The following AJAP1 variants were observed in gnomAD, a reference collection of about 807,000 sequenced individuals.
The protein encoded by AJAP1 is adherens junction-associated protein 1.
Under a neutral mutation model 35.0 loss-of-function variants are expected in AJAP1, and 5 were observed. The observed-to-expected ratio is 0.14, with a 90% CI of 0.07 to 0.30. The LOEUF is 0.30. Ranked by LOEUF, AJAP1 falls within the 10% of genes least tolerant of loss-of-function variation. The pLI, the probability that AJAP1 is intolerant of heterozygous loss-of-function variation, is 1.00. For synonymous variants in AJAP1, 284 were observed against 249.3 expected, an observed-to-expected ratio of 1.14 and a Z score of -1.31; for missense variants, 586 against 571.0, an observed-to-expected ratio of 1.03 and a Z score of -0.27.
chr1:4,768,912 G>A (rs960420926), intron 2 of AJAP1, among the ~76,000 whole-genome samples: 1 of 152,338 alleles, frequency 6.6e-6, no homozygotes, highest in East Asian at 1.9e-4. Context: ...AGCTGTTGCA[G>A]GCCTGCCCTC....
chr1:4,689,246 C>T lies in AJAP1; in HGVS notation c.30-22654C>T, dbSNP rs534497201. On this transcript the variant is annotated intron_variant, in intron 1 of 5. Transcript: ENST00000378191. The stretch of plus-strand genomic sequence containing the variant: ...CAATTACCGATAAATCAGAACGACG[C>T]GCCTGGTATGAATTCAGCTGATTAA... Among the ~76,000 whole-genome samples, 19 of 152,316 alleles carry T rather than the reference C, an allele frequency of 1.2e-4. No individual in the cohort carries two copies. In the East Asian group the frequency reaches 2.5e-3, roughly 20 times the overall value.
At chr1:4,708,053 C>T (rs1246638406) in intron 1 of AJAP1, among the ~76,000 whole-genome samples, 10 of 150,984 alleles carry the variant, frequency 6.6e-5, no homozygotes, top group South Asian at 4.2e-4. Flanking sequence ...CTGCAACCTC[C>T]GCCTCCTGGG....
intron 1 of AJAP1, among the ~76,000 whole-genome samples, chr1:4,671,895 T>C (rs1483439750): frequency 6.6e-6 from 1 of 152,140 alleles, no homozygotes; most frequent in Non-Finnish European, 1.5e-5. Context: ...GCTGTGTAGG[T>C]GTCCCCACTG....
chr1:4,673,831 G>A (rs1639300511), intron 1 of AJAP1, among the ~76,000 whole-genome samples: 1 of 151,946 alleles, frequency 6.6e-6, no homozygotes, highest in Non-Finnish European at 1.5e-5. Flanking sequence ...GGCTTTATAC[G>A]AGTCATGGGC....
chr1:4,658,469 A>T (rs1462922532), intron 1 of AJAP1, among the ~76,000 whole-genome samples: 1 of 152,214 alleles, frequency 6.6e-6, no homozygotes, highest in African/African-American at 2.4e-5. Context: ...ATGAAGTCAA[A>T]CGCGCAGTCC....
At chr1:4,736,900 C>A (rs1474090577) in intron 2 of AJAP1, among the ~76,000 whole-genome samples, 5 of 152,096 alleles carry the variant, frequency 3.3e-5, no homozygotes, top group Non-Finnish European at 7.4e-5. Context: ...ACATGGGTCT[C>A]CAGGGCTGAC....
intron 1 of AJAP1, among the ~76,000 whole-genome samples, chr1:4,666,315 T>C (rs1347814155): frequency 6.6e-6 from 1 of 151,998 alleles, no homozygotes; most frequent in African/African-American, 2.4e-5. Context: ...TCTGTGAAGC[T>C]GGAGAGGAAG....
At chr1:4,779,952 C>A (rs1396039556) in intron 5 of AJAP1, among the ~76,000 whole-genome samples, 4 of 151,918 alleles carry the variant, frequency 2.6e-5, no homozygotes, top group Non-Finnish European at 4.4e-5. Flanking sequence ...TGAGACCAGT[C>A]TGACCAACAT....
In AJAP1 at chr1:4,733,132, C is replaced by T. The variant is rs1640838788; in HGVS notation, c.829+20433C>T. 2.6e-5 allele frequency among the ~76,000 whole-genome samples: 4 copies of T among 152,100 alleles called. No individual in the cohort carries two copies. In the South Asian group the frequency reaches 6.2e-4, roughly 24 times the overall value. On this transcript the variant is annotated intron_variant, in intron 2 of 5. Coordinates refer to ENST00000378191, the MANE Select transcript of AJAP1 (RefSeq NM_018836.4). ...CCCCGCCTCCAACAAAGTGGGCAGC[C>T]CCCACCCCAGACCCCCTTCTACTCT...
intron 1 of AJAP1, among the ~76,000 whole-genome samples, chr1:4,699,659 G>A (rs1243062743): frequency 6.6e-6 from 1 of 152,130 alleles, no homozygotes; most frequent in Non-Finnish European, 1.5e-5. Flanking sequence ...TTGAAAATCT[G>A]AAGCCTTTGG....
At position 4,772,409 on chromosome 1, in the gene AJAP1, C is replaced by T; in HGVS notation, c.1047C>T (p.Ala349=). The change falls in exon 4 of 6, where the codon GCC becomes GCT. Residue 349 remains alanine (A), a synonymous_variant. Coordinates refer to ENST00000378191, the MANE Select transcript of AJAP1 (RefSeq NM_018836.4). ...RVPSSLDIFT[A]YNETLQCSHE... is the part of the protein sequence containing the mutation. ...CCAGCAGCCTGGACATATTCACGGC[C>T]TATAACGAGACCCTGCAGTGTTCTC... The T allele has an allele frequency of 3.1e-6, 5 of 1,614,246 alleles. No individual in the cohort carries two copies. Among genetic ancestry groups the T allele is most frequent in the Non-Finnish European group, 4.2e-6 (5 of 1,180,054 alleles).
intron 4 of AJAP1, among the ~76,000 whole-genome samples, 183 bp downstream of exon 4, chr1:4,772,708 C>A (rs1012839235): frequency 6.6e-6 from 1 of 152,216 alleles, no homozygotes; most frequent in Non-Finnish European, 1.5e-5. Flanking sequence ...TTGATAGCAA[C>A]AGGCGTTTAG....
chr1:4,752,246 G>C (rs1557639874), intron 2 of AJAP1, among the ~76,000 whole-genome samples: 1 of 151,682 alleles, frequency 6.6e-6, no homozygotes, highest in African/African-American at 2.4e-5. Flanking sequence ...TGGTGGCTTT[G>C]TTTCACCGAG....
At chr1:4,706,189 A>G (rs1365125221) in intron 1 of AJAP1, among the ~76,000 whole-genome samples, 1 of 152,172 alleles carries the variant, frequency 6.6e-6, no homozygotes, top group African/African-American at 2.4e-5. Context: ...ACAAAAGAGC[A>G]TGGACTCACA....
At chr1:4,702,684 G>A (rs1293106066) in intron 1 of AJAP1, among the ~76,000 whole-genome samples, 2 of 152,168 alleles carry the variant, frequency 1.3e-5, no homozygotes, top group Admixed American at 6.5e-5. Context: ...TGTAAGTGTG[G>A]CCCTTGGTGT....
At chr1:4,752,673 G>C (rs1164849963) in intron 2 of AJAP1, among the ~76,000 whole-genome samples, 2 of 152,302 alleles carry the variant, frequency 1.3e-5, no homozygotes, top group Admixed American at 6.5e-5. Context: ...GACCAGGACT[G>C]TCTTGCTCCC....
At chr1:4,681,755 G>T (rs1570105716) in intron 1 of AJAP1, among the ~76,000 whole-genome samples, 1 of 152,198 alleles carries the variant, frequency 6.6e-6, no homozygotes, top group African/African-American at 2.4e-5. Flanking sequence ...GGCAGACCAC[G>T]TGCAGGAAGG....
rs1642177287 is a variant in AJAP1 at position 4,787,422 on chromosome 1, T to C, written c.*4937T>C. 1 of 298,670 alleles carries C rather than the reference T, an allele frequency of 3.3e-6. No homozygotes were observed. Among genetic ancestry groups the C allele is most frequent in the Non-Finnish European group, 6.6e-6 (1 of 150,570 alleles). 18.5% of individuals were successfully genotyped at this position (298,670 alleles called of 1,614,324 possible). ...TCTCCTCCTCCTGCGACCCATCACCTACTGGAAAATTACCACTTGCTGCTT... is the reference window on the plus strand; with the variant it reads ...TCTCCTCCTCCTGCGACCCATCACCCACTGGAAAATTACCACTTGCTGCTT... On this transcript the variant is annotated 3_prime_UTR_variant, in exon 6 of 6. Coordinates refer to ENST00000378191, the MANE Select transcript of AJAP1 (RefSeq NM_018836.4).
intron 1 of AJAP1, among the ~76,000 whole-genome samples, chr1:4,695,260 G>T (rs1213588357): frequency 2.0e-5 from 3 of 152,300 alleles, no homozygotes; most frequent in Non-Finnish European, 4.4e-5. Flanking sequence ...GGGCTGCGAT[G>T]GCTGGAGGCT....
Sources: gnomAD v4.1 joint callset for allele counts (sites outside exome capture counted in the v4.1 genomes callset) on GRCh38, gnomAD v4.1.1 for gene constraint, MANE v1.5 for transcripts, NCBI Gene and HGNC (gene_info 2026-07-23, HGNC 2026-07-21) for gene names.